RAPGEF2: variants seen among roughly 807,000 people sequenced by gnomAD.
The protein encoded by RAPGEF2 is PDZ domain containing guanine nucleotide exchange factor (GEF) 1.
In RAPGEF2, 54 loss-of-function variants were observed where a neutral mutation model predicts 186.7. The observed-to-expected ratio is 0.29, with a 90% confidence interval of 0.23 to 0.36. The LOEUF (loss-of-function observed/expected upper bound fraction) is 0.36. Among genes scored for constraint, RAPGEF2 ranks in the 10% least tolerant of loss-of-function variants. RAPGEF2 has a pLI of 1.00. For synonymous variants in RAPGEF2, 712 were observed against 705.9 expected, an observed-to-expected ratio of 1.01 and a Z score of -0.14; for missense variants, 1,532 against 2,045.0, an observed-to-expected ratio of 0.75 and a Z score of 4.84.
At chr4:159,238,407 G>T (rs1753555249) in intron 4 of RAPGEF2, among the ~76,000 whole-genome samples, 1 of 152,086 alleles carries the variant, frequency 6.6e-6, no homozygotes, top group South Asian at 2.1e-4. Flanking sequence ...GTTATGAAGA[G>T]AATTACATGT....
chr4:159,296,011 A>G (rs1380223935), intron 7 of RAPGEF2, among the ~76,000 whole-genome samples: 1 of 151,868 alleles, frequency 6.6e-6, no homozygotes, highest in Non-Finnish European at 1.5e-5. Context: ...CACATGATGG[A>G]ATTGGTATAA....
chr4:159,179,427 AAAG>A (rs1746791055), intron 1 of RAPGEF2, among the ~76,000 whole-genome samples: 1 of 152,188 alleles, frequency 6.6e-6, no homozygotes, highest in Admixed American at 6.5e-5. Flanking sequence ...ATAGAGAAAA[AAAG>A]AATCTAAAAG....
rs1000005919 is a variant in RAPGEF2, at chr4:159,359,898, T to A, written c.*1759T>A. 3 of 152,232 alleles carry A rather than the reference T, an allele frequency of 2.0e-5. No individual in the cohort carries two copies. The highest frequency in any genetic ancestry group is 7.2e-5 in the African/African-American group (3 of 41,466). 9.4% of individuals were successfully genotyped at this position (152,232 alleles called of 1,614,324 possible). On this transcript the variant is annotated 3_prime_UTR_variant, in exon 30 of 30. Coordinates refer to ENST00000691494, the MANE Select transcript of RAPGEF2 (RefSeq NM_001394067.2). ...ATTAAGTAATTGTAGAACATAGGAC[T>A]GCTAATCTCAGTTCGCTCTGTGATG...
intron 23 of RAPGEF2, among the ~76,000 whole-genome samples, chr4:159,344,266 G>A (rs999222277): frequency 6.6e-6 from 1 of 152,166 alleles, no homozygotes; most frequent in Non-Finnish European, 1.5e-5. Context: ...TGAGAGCTGT[G>A]AAATGATTGA....
intron 19 of RAPGEF2, among the ~76,000 whole-genome samples, chr4:159,340,667 C>CCA (rs3071283): frequency 0.18 from 13,984 of 76,762 alleles, 2,786 homozygotes; most frequent in African/African-American, 0.23. Context: ...ACCACCATCA[C>CCA]CACACACACA....
chr4:159,283,007 A>G (rs1162800303), intron 7 of RAPGEF2, among the ~76,000 whole-genome samples: 1 of 152,190 alleles, frequency 6.6e-6, no homozygotes, highest in Admixed American at 6.5e-5. Context: ...TAAGAGGAGC[A>G]TGGTTATTTG....
intron 7 of RAPGEF2, among the ~76,000 whole-genome samples, chr4:159,291,448 A>C (rs1215774184): frequency 6.6e-6 from 1 of 152,128 alleles, no homozygotes; most frequent in Non-Finnish European, 1.5e-5. Context: ...GACGTGTGTC[A>C]TCACACCCGG....
At chr4:159,131,779 C>T (rs761234860) in intron 1 of RAPGEF2, among the ~76,000 whole-genome samples, 2 of 151,360 alleles carry the variant, frequency 1.3e-5, no homozygotes, top group Non-Finnish European at 2.9e-5. Flanking sequence ...GAAACAAAGA[C>T]TTGGCATACT....
In RAPGEF2 at chr4:159,331,484, A is replaced by C. The variant is rs763580611; in HGVS notation, c.1521A>C (p.Gly507=). The change falls in exon 14 of 30, where the codon GGA becomes GGC. Residue 507 remains glycine, a synonymous_variant. Transcript: ENST00000691494. ...WVNNHFNDFE[G]DPAMTRFLEE... is the part of the protein sequence containing the mutation. ...ATAATCACTTCAATGACTTTGAAGG[A>C]GATCCTGCAATGACTCGATTTTTAG... 6.2e-7 allele frequency: 1 copy of C among 1,613,462 alleles called. No homozygotes were observed. The highest frequency in any genetic ancestry group is 1.3e-5 in the African/African-American group (1 of 74,898).
chr4:159,260,662 A>G (rs557497813), intron 7 of RAPGEF2, among the ~76,000 whole-genome samples: 1 of 152,304 alleles, frequency 6.6e-6, no homozygotes, highest in South Asian at 2.1e-4. Flanking sequence ...CCTTTACAGA[A>G]TGAGTGTCAA....
intron 8 of RAPGEF2, among the ~76,000 whole-genome samples, chr4:159,308,377 A>G (rs1318320372): frequency 6.6e-6 from 1 of 152,232 alleles, no homozygotes; most frequent in Non-Finnish European, 1.5e-5. Context: ...AACATTTAGT[A>G]GAGATTTTCA....
intron 7 of RAPGEF2, among the ~76,000 whole-genome samples, chr4:159,270,365 C>T (rs72699377): frequency 0.016 from 2,406 of 152,294 alleles, 32 homozygotes; most frequent in Non-Finnish European, 0.025. Flanking sequence ...GAGAAGGCCC[C>T]TCTTTCATCC....
In RAPGEF2 at chr4:159,355,878, G is replaced by GCCGCC; in HGVS notation, c.4679_4680insGCCCC (p.Thr1563ArgfsTer64). The GCCGCC allele has an allele frequency of 9.0e-4, 1,366 of 1,514,452 alleles. No homozygotes were observed. The highest frequency in any genetic ancestry group is 1.6e-3 in the Middle Eastern group (9 of 5,566). 93.8% of individuals were successfully genotyped at this position (1,514,452 alleles called of 1,614,324 possible). On this transcript the variant is annotated frameshift_variant, in exon 29 of 30. Transcript: ENST00000691494. LOFTEE classifies it high-confidence loss of function. ...CACGAAAGGAGGGCAGGTATCGAGA[G>GCCGCC]CCCCCGCCCACCCCTCCCGGCTACA...
intron 7 of RAPGEF2, among the ~76,000 whole-genome samples, chr4:159,289,508 A>G (rs965415748): frequency 7.9e-5 from 12 of 152,190 alleles, no homozygotes; most frequent in Non-Finnish European, 1.8e-4. Flanking sequence ...GGAAAAGAAC[A>G]TTGGGATCAA....
chr4:159,301,975 C>G (rs1399727171), intron 7 of RAPGEF2, among the ~76,000 whole-genome samples: 8 of 152,218 alleles, frequency 5.3e-5, no homozygotes, highest in Non-Finnish European at 1.0e-4. Context: ...TTGATACTCT[C>G]TGCCACTAGC....
intron 7 of RAPGEF2, among the ~76,000 whole-genome samples, chr4:159,268,593 A>C (rs1478977614): frequency 6.6e-6 from 1 of 150,918 alleles, no homozygotes; most frequent in South Asian, 2.1e-4. Flanking sequence ...ACGGGAATCT[A>C]TAGTGAGGAA....
chr4:159,113,216 A>C (rs1048154880), intron 1 of RAPGEF2, among the ~76,000 whole-genome samples: 1 of 152,210 alleles, frequency 6.6e-6, no homozygotes, highest in East Asian at 1.9e-4. Context: ...ACAACAACAA[A>C]AAAACATTAT....
rs3071283 is a variant in RAPGEF2 at position 159,340,667 on chromosome 4, CCACACACACACACACA to C, written c.2535-872_2535-857del. 3.8e-4 allele frequency among the ~76,000 whole-genome samples: 29 copies of C among 76,866 alleles called. No homozygotes were observed. The South Asian group carries it at 9.1e-3, about 24-fold the overall frequency. The allele number at this position is 76,866 out of a possible 152,430, so 50.4% of individuals were successfully genotyped here. ...AAAACAAAAAATACCACCACCATCA[CCACACACACACACACA>C]CACACACACACACACACACACACAT... On this transcript the variant is annotated intron_variant, in intron 19 of 29. Coordinates refer to ENST00000691494, the MANE Select transcript of RAPGEF2 (RefSeq NM_001394067.2).
chr4:159,332,554 A>C lies in RAPGEF2; in HGVS notation c.1992A>C (p.Pro664=), dbSNP rs1766834230. The C allele has an allele frequency of 6.2e-7, 1 of 1,614,070 alleles. No homozygotes were observed. The highest frequency in any genetic ancestry group is 1.3e-5 in the African/African-American group (1 of 74,940). The change falls in exon 17 of 30, where the codon CCA becomes CCC. Residue 664 remains proline (P), a synonymous_variant. Transcript: ENST00000691494. ...DIKKASRYSI[P]DLAVDVEQVI... ...AAAAGGCCAGTCGCTACTCCATTCC[A>C]GATCTTGCTGTAGATGTAGAACAGG...
Sources: gnomAD v4.1 joint callset for allele counts (sites outside exome capture counted in the v4.1 genomes callset) on GRCh38, gnomAD v4.1.1 for gene constraint, MANE v1.5 for transcripts, NCBI Gene and HGNC (gene_info 2026-07-23, HGNC 2026-07-21) for gene names.